FGF14: variants seen among roughly 807,000 people sequenced by gnomAD.
The protein encoded by FGF14 is fibroblast growth factor homologous factor 4.
FGF14 carries 5 observed loss-of-function variants against 25.5 expected under a neutral mutation model. That is an observed-to-expected ratio of 0.20 (90% confidence interval 0.10 to 0.41). FGF14 has a LOEUF of 0.41. FGF14 is among the 10% of genes least tolerant of loss of function. The pLI is 1.00. For synonymous variants in FGF14, 138 were observed against 118.3 expected (o/e 1.17, Z -1.08); for missense variants, 222 against 320.1 (o/e 0.69, Z 2.34).
chr13:101,980,590 C>T (rs1008900523), intron 1 of FGF14, among the ~76,000 whole-genome samples: 2 of 152,104 alleles, frequency 1.3e-5, no homozygotes, highest in African/African-American at 4.8e-5. Flanking sequence ...GAGGCAGCTG[C>T]CTGCTTGAAA....
At position 101,718,342 on chromosome 13, in the gene FGF14, CAT is replaced by C. The variant is rs1490356133; in HGVS notation, c.*4487_*4488del. ...AAAATAAAATAGTTACATGTAAAGA[CAT>C]AAACTCTTTCCTTCTTAAATGTGAT... On this transcript the variant is annotated 3_prime_UTR_variant, in exon 5 of 5. Coordinates refer to ENST00000376143, the MANE Select transcript of FGF14 (RefSeq NM_004115.4). The C allele has an allele frequency of 9.9e-5, 15 of 152,072 alleles. No individual in the cohort carries two copies. Among genetic ancestry groups the C allele is most frequent in the African/African-American group, 3.6e-4 (15 of 41,416 alleles). The allele number at this position is 152,072 out of a possible 1,614,324, so 9.4% of individuals were successfully genotyped here.
At position 101,981,185 on chromosome 13, in the gene FGF14, C is replaced by G. The variant is rs183717761; in HGVS notation, c.209-105889G>C. 5.9e-5 allele frequency among the ~76,000 whole-genome samples: 9 copies of G among 151,708 alleles called. No homozygotes were observed. In the East Asian group the frequency reaches 1.6e-3, roughly 26 times the overall value. Reference sequence around the variant, plus strand: ...ATCCCAGCTACTCGGGAGGCTGAGACAGAAGAATCCCTTGAGCCCGGGAGG... The same window carrying G: ...ATCCCAGCTACTCGGGAGGCTGAGAGAGAAGAATCCCTTGAGCCCGGGAGG... On this transcript the variant is annotated intron_variant, in intron 1 of 4. Transcript: ENST00000376131.
intron 1 of FGF14, among the ~76,000 whole-genome samples, chr13:102,253,452 G>A (rs574972993): frequency 6.6e-6 from 1 of 152,158 alleles, no homozygotes; most frequent in African/African-American, 2.4e-5. Flanking sequence ...ATGTCTTTTG[G>A]CTGCATAAAT....
chr13:102,185,873 C>T (rs775117669), intron 1 of FGF14, among the ~76,000 whole-genome samples: 7 of 152,108 alleles, frequency 4.6e-5, no homozygotes, highest in South Asian at 2.1e-4. Context: ...GAAGTGACTG[C>T]GACGTTGTGA....
intron 1 of FGF14, among the ~76,000 whole-genome samples, chr13:101,971,375 T>C (rs1475699407): frequency 1.5e-5 from 1 of 64,782 alleles, no homozygotes; most frequent in African/African-American, 6.6e-5. Context: ...AGCATATAAC[T>C]TTTTTTTTTT....
rs1348934850 is a variant in FGF14, at chr13:101,714,126, A to G, written c.*8705T>C. On this transcript the variant is annotated 3_prime_UTR_variant, in exon 5 of 5. Transcript: ENST00000376143. ...TTAGGAGGAAAAAATCTATTTTTGA[A>G]TACTTTTTTGGAAGACCATCTATAA... The G allele has an allele frequency of 2.5e-5, 6 of 244,212 alleles. No homozygotes were observed. The highest frequency in any genetic ancestry group is 4.7e-5 in the Non-Finnish European group (6 of 128,642). 15.1% of individuals were successfully genotyped at this position (244,212 alleles called of 1,614,324 possible).
At chr13:101,814,909 C>T (rs2041762007) in intron 3 of FGF14, among the ~76,000 whole-genome samples, 1 of 152,104 alleles carries the variant, frequency 6.6e-6, no homozygotes, top group Non-Finnish European at 1.5e-5. Flanking sequence ...TATTAATTGG[C>T]AGTCAGATTT....
chr13:102,338,752 G>A (rs1442398671), intron 1 of FGF14, among the ~76,000 whole-genome samples: 3 of 152,096 alleles, frequency 2.0e-5, no homozygotes, highest in Non-Finnish European at 4.4e-5. Context: ...CATGGCTTAT[G>A]CCTGTAATCC....
intron 1 of FGF14, among the ~76,000 whole-genome samples, chr13:102,272,095 C>T (rs2053276371): frequency 6.6e-6 from 1 of 152,162 alleles, no homozygotes; most frequent in African/African-American, 2.4e-5. Flanking sequence ...TTTTGATTCC[C>T]TCCACTTTGC....
chr13:101,935,520 G>A (rs909029426), intron 1 of FGF14, among the ~76,000 whole-genome samples: 2 of 152,200 alleles, frequency 1.3e-5, no homozygotes, highest in African/African-American at 4.8e-5. Flanking sequence ...ATGATAGTCA[G>A]TGAGTTCACA....
intron 1 of FGF14, among the ~76,000 whole-genome samples, chr13:102,314,735 T>A (rs754357648): frequency 3.3e-5 from 5 of 152,138 alleles, no homozygotes; most frequent in Non-Finnish European, 7.4e-5. Flanking sequence ...GAAAGTTAAT[T>A]TCTGCTATCA....
chr13:102,227,883 A>T (rs776954499), intron 1 of FGF14, among the ~76,000 whole-genome samples: 4 of 152,070 alleles, frequency 2.6e-5, no homozygotes, highest in Admixed American at 2.6e-4. Context: ...CTGCTGAGCT[A>T]CGTAAACCAC....
At chr13:102,058,200 T>C (rs1417123766) in intron 1 of FGF14, among the ~76,000 whole-genome samples, 1 of 152,242 alleles carries the variant, frequency 6.6e-6, no homozygotes, top group Non-Finnish European at 1.5e-5. Flanking sequence ...TGATGGCTAC[T>C]GACATAAGCA....
intron 1 of FGF14, among the ~76,000 whole-genome samples, chr13:102,348,363 C>T (rs2057174599): frequency 1.3e-5 from 2 of 152,094 alleles, no homozygotes; most frequent in Non-Finnish European, 2.9e-5. Context: ...AACTGAGTCT[C>T]CTGTAGTTTG....
chr13:101,715,592 G>A lies in FGF14; in HGVS notation c.*7239C>T, dbSNP rs1245501510. On this transcript the variant is annotated 3_prime_UTR_variant, in exon 5 of 5. Coordinates refer to ENST00000376143, the MANE Select transcript of FGF14 (RefSeq NM_004115.4). The stretch of plus-strand genomic sequence containing the variant: ...TGGAATATGTAGCTGTGGAAACTGT[G>A]AATGCTGGGATGGATGGAATGGAAA... 6.2e-7 allele frequency: 1 copy of A among 1,613,290 alleles called. No individual in the cohort carries two copies. The highest frequency in any genetic ancestry group is 2.2e-5 in the East Asian group (1 of 44,848).
intron 1 of FGF14, among the ~76,000 whole-genome samples, chr13:101,976,848 A>T (rs1369362128): frequency 6.6e-6 from 1 of 152,222 alleles, no homozygotes; most frequent in Admixed American, 6.5e-5. Flanking sequence ...TTATGCAATG[A>T]TCAGCAGATA....
intron 3 of FGF14, among the ~76,000 whole-genome samples, chr13:101,771,371 C>T (rs1364440136): frequency 8.3e-6 from 1 of 120,384 alleles, no homozygotes; most frequent in African/African-American, 2.6e-5. Flanking sequence ...AAAAATGCCC[C>T]CCCACCCAAG....
rs146147591 is a variant in FGF14, at chr13:101,863,110, T to C, written c.408+5615A>G. On this transcript the variant is annotated intron_variant, in intron 3 of 4. Coordinates refer to ENST00000376143, the MANE Select transcript of FGF14 (RefSeq NM_004115.4). ...TATTGTTTGTGCAGAAAAACATGCA[T>C]AGTGTCATAGATTGTTATAATAATT... Among the ~76,000 whole-genome samples, 162 of 152,272 alleles carry C rather than the reference T, an allele frequency of 1.1e-3. 2 individuals are homozygous for C. The highest frequency in any genetic ancestry group is 3.7e-3 in the African/African-American group (155 of 41,574).
Position 102,321,174 on chromosome 13 carries a change from G to C in FGF14, c.208+80297C>G, listed in dbSNP as rs376329174. Among the ~76,000 whole-genome samples the C allele has an allele frequency of 1.7e-3, 253 of 152,198 alleles. 2 individuals carry two copies. Among genetic ancestry groups the C allele is most frequent in the African/African-American group, 5.6e-3 (233 of 41,530 alleles). ...ATATCCTTGGACAGACCCCTTCATT[G>C]CAATAGAGCACATTTTTTCTCAATA... On this transcript the variant is annotated intron_variant, in intron 1 of 4. Coordinates refer to the FGF14 transcript ENST00000376131.
Sources: allele counts gnomAD v4.1 joint callset (sites outside exome capture counted in the v4.1 genomes callset), GRCh38; gene constraint gnomAD v4.1.1; transcripts MANE v1.5; gene names NCBI Gene and HGNC (gene_info 2026-07-23, HGNC 2026-07-21).